GRIA4: variants seen among roughly 807,000 people sequenced by gnomAD.
GRIA4 encodes the protein glutamate ionotropic receptor AMPA type subunit 4.
Under a neutral mutation model 104.0 loss-of-function variants are expected in GRIA4, and 34 were observed. That is an observed-to-expected ratio of 0.33 (90% CI 0.25 to 0.44). The LOEUF (loss-of-function observed/expected upper bound fraction) is 0.44, where lower values mean the gene tolerates loss of function less well. GRIA4 is among the 20% of genes least tolerant of loss of function. The pLI is 1.00. For missense variants in GRIA4, 750 were observed against 1,096.5 expected (o/e 0.68, Z 4.46); for synonymous variants, 386 against 381.9 (o/e 1.01, Z -0.13).
intron 4 of GRIA4, among the ~76,000 whole-genome samples, chr11:105,778,056 A>G (rs1941531483): frequency 6.6e-6 from 1 of 152,162 alleles, no homozygotes; most frequent in South Asian, 2.1e-4. Context: ...CACTTTGCAG[A>G]TACTGATTTA....
intron 4 of GRIA4, among the ~76,000 whole-genome samples, chr11:105,840,501 T>G (rs945275149): frequency 2.0e-5 from 3 of 152,204 alleles, no homozygotes; most frequent in African/African-American, 2.4e-5. Flanking sequence ...CTGACTTATT[T>G]TAACAGAAAT....
chr11:105,950,397 T>C (rs554483211), intron 14 of GRIA4, among the ~76,000 whole-genome samples: 11 of 152,330 alleles, frequency 7.2e-5, no homozygotes, highest in African/African-American at 2.6e-4. Flanking sequence ...GGTTGGGCCT[T>C]GTTATTTTGG....
chr11:105,745,476 C>T, intron 3 of GRIA4, among the ~76,000 whole-genome samples: 1 of 151,764 alleles, frequency 6.6e-6, no homozygotes, highest in East Asian at 1.9e-4. Context: ...GGTAAAGTGA[C>T]AGAAAAACAC....
intron 14 of GRIA4, among the ~76,000 whole-genome samples, chr11:105,943,821 C>T (rs1948239815): frequency 6.6e-6 from 1 of 152,042 alleles, no homozygotes; most frequent in Non-Finnish European, 1.5e-5. Flanking sequence ...CCATTTTAAG[C>T]ACAGCTTTAC....
At chr11:105,716,354 A>G (rs1207996641) in intron 3 of GRIA4, among the ~76,000 whole-genome samples, 1 of 152,192 alleles carries the variant, frequency 6.6e-6, no homozygotes, top group African/African-American at 2.4e-5. Context: ...TTATTTGATA[A>G]TGTATATAAT....
At chr11:105,885,279 A>G (rs771344643) in intron 5 of GRIA4, among the ~76,000 whole-genome samples, 2 of 152,184 alleles carry the variant, frequency 1.3e-5, no homozygotes. Context: ...AGATTGCCCA[A>G]TATGACACCT....
intron 14 of GRIA4, among the ~76,000 whole-genome samples, chr11:105,968,956 A>G (rs756928590): frequency 7.9e-5 from 12 of 152,214 alleles, no homozygotes; most frequent in Non-Finnish European, 1.6e-4. Context: ...GCAACCATCA[A>G]TCACCCATTA....
At chr11:105,827,217 T>C (rs992054480) in intron 4 of GRIA4, among the ~76,000 whole-genome samples, 1 of 152,026 alleles carries the variant, frequency 6.6e-6, no homozygotes, top group Admixed American at 6.6e-5. Context: ...CCATAGTTTC[T>C]ACTTCAAATC....
intron 5 of GRIA4, among the ~76,000 whole-genome samples, chr11:105,866,886 T>C (rs985495642): frequency 6.6e-6 from 1 of 151,988 alleles, no homozygotes; most frequent in Non-Finnish European, 1.5e-5. Flanking sequence ...TTAAGGAATC[T>C]AACCAAGTAT....
intron 9 of GRIA4, among the ~76,000 whole-genome samples, chr11:105,910,060 T>TGTAA (rs983271291): frequency 6.6e-6 from 1 of 152,160 alleles, no homozygotes; most frequent in African/African-American, 2.4e-5. Context: ...CTATACAACC[T>TGTAA]GTAACTTTAT....
In GRIA4 at chr11:105,611,030, A is replaced by G; in HGVS notation, c.33A>G (p.Leu11=). The G allele has an allele frequency of 6.2e-7, 1 of 1,613,152 alleles. No individual in the cohort carries two copies. The highest frequency in any genetic ancestry group is 1.3e-5 in the African/African-American group (1 of 74,818). Reference sequence around the variant, plus strand: ...TTATTTCCAGACAGATTGTCTTGTTATTTTCTGGATTTTGGGGACTCGCCA... The same window carrying G: ...TTATTTCCAGACAGATTGTCTTGTTGTTTTCTGGATTTTGGGGACTCGCCA... MRIISRQIVL[L]FSGFWGLAMG... The change falls in exon 2 of 17, where the codon TTA becomes TTG. Residue 11 remains leucine (L), a synonymous_variant. Transcript: ENST00000282499.
chr11:105,614,718 T>C (rs1260474815), intron 3 of GRIA4, among the ~76,000 whole-genome samples: 2 of 151,994 alleles, frequency 1.3e-5, no homozygotes, highest in Non-Finnish European at 2.9e-5. Context: ...GAAAGTTATT[T>C]TGACAAATGA....
At chr11:105,830,927 G>A (rs770618461) in intron 4 of GRIA4, among the ~76,000 whole-genome samples, 1 of 151,872 alleles carries the variant, frequency 6.6e-6, no homozygotes, top group African/African-American at 2.4e-5. Flanking sequence ...GATCTTATCT[G>A]TCTTTATCTT....
At chr11:105,767,790 A>G (rs1941019117) in intron 4 of GRIA4, among the ~76,000 whole-genome samples, 2 of 152,144 alleles carry the variant, frequency 1.3e-5, no homozygotes, top group Admixed American at 1.3e-4. Flanking sequence ...AATGCGACCC[A>G]TAGAGATTAA....
intron 3 of GRIA4, among the ~76,000 whole-genome samples, chr11:105,692,021 C>A (rs1953105877): frequency 6.8e-6 from 1 of 147,428 alleles, no homozygotes; most frequent in Non-Finnish European, 1.5e-5. Flanking sequence ...GTAAAATCAA[C>A]ACAAATTAAG....
intron 4 of GRIA4, among the ~76,000 whole-genome samples, chr11:105,828,913 C>T (rs1316129757): frequency 6.6e-6 from 1 of 152,034 alleles, no homozygotes; most frequent in East Asian, 1.9e-4. Flanking sequence ...TATTCAGAGA[C>T]AATTTTCAGC....
chr11:105,885,065 T>C (rs982367118), intron 5 of GRIA4, among the ~76,000 whole-genome samples: 2 of 152,166 alleles, frequency 1.3e-5, no homozygotes, highest in Non-Finnish European at 2.9e-5. Context: ...AAATAACGGA[T>C]TGCTGAGTGG....
chr11:105,868,385 T>G (rs188358336), intron 5 of GRIA4, among the ~76,000 whole-genome samples: 1 of 152,288 alleles, frequency 6.6e-6, no homozygotes, highest in African/African-American at 2.4e-5. Flanking sequence ...ATTCCTTGCA[T>G]TACACCAGTT....
At chr11:105,637,889 T>C (rs768636225) in intron 3 of GRIA4, among the ~76,000 whole-genome samples, 11 of 152,184 alleles carry the variant, frequency 7.2e-5, no homozygotes, top group Non-Finnish European at 5.9e-5. Flanking sequence ...TTATCACCGA[T>C]GAAAAACTGG....
Sources: gnomAD v4.1 joint callset for allele counts (sites outside exome capture counted in the v4.1 genomes callset) on GRCh38, gnomAD v4.1.1 for gene constraint, MANE v1.5 for transcripts, NCBI Gene and HGNC (gene_info 2026-07-23, HGNC 2026-07-21) for gene names.